Variants in THAP9 observed in about 807,000 individuals in gnomAD.
THAP9 encodes THAP domain containing 9.
Under a neutral mutation model 35.7 loss-of-function variants are expected in THAP9, and 20 were observed. That is an observed-to-expected ratio of 0.56 (90% confidence interval 0.39 to 0.81). The LOEUF (loss-of-function observed/expected upper bound fraction) is 0.81. Among genes scored for constraint, THAP9 ranks in the 40% least tolerant of loss-of-function variants. The pLI, the probability that THAP9 is intolerant of heterozygous loss-of-function variation, is 0.00. For missense variants in THAP9, 870 were observed against 1,047.4 expected (o/e 0.83, Z 2.34); for synonymous variants, 335 against 373.7 (o/e 0.90, Z 1.19).
At chr4:82,901,016 G>C in intron 1 of THAP9, 134 bp downstream of exon 1, 1 of 1,096,324 alleles carries the variant, frequency 9.1e-7, no homozygotes, top group Middle Eastern at 2.1e-4. Context: ...GCGCAGCGTC[G>C]GGGCGTGGGA....
chr4:82,907,770 A>T lies in THAP9; in HGVS notation c.581-15A>T. On this transcript the variant is annotated splice_polypyrimidine_tract_variant and intron_variant, in intron 3 of 4. Transcript: ENST00000302236. ...TACTATTCATCACAAAGAATAAAAA[A>T]ATTTATTTTAACAGATTTTAAGTGG... The T allele has an allele frequency of 6.4e-7, 1 of 1,562,732 alleles. No homozygotes were observed. The highest frequency in any genetic ancestry group is 8.6e-7 in the Non-Finnish European group (1 of 1,159,564).
chr4:82,908,060 G>T (rs1720725776), intron 4 of THAP9, 125 bp downstream of exon 4: 2 of 1,039,798 alleles, frequency 1.9e-6, no homozygotes, highest in South Asian at 1.7e-5. Flanking sequence ...ACTTATTAAG[G>T]CTATTAGTAC....
intron 2 of THAP9, 101 bp from the exon 3 acceptor site, chr4:82,906,222 TC>T: frequency 1.0e-6 from 1 of 979,308 alleles, no homozygotes; most frequent in Non-Finnish European, 1.5e-6. Context: ...TAACTAACTC[TC>T]CACAGCAACC....
At chr4:82,905,032 CAA>C in intron 2 of THAP9, 101 bp downstream of exon 2, 2 of 1,098,438 alleles carry the variant, frequency 1.8e-6, no homozygotes, top group Non-Finnish European at 2.6e-6. Flanking sequence ...CAAAAAAACC[CAA>C]GTCTTAAATC....
intron 4 of THAP9, among the ~76,000 whole-genome samples, chr4:82,915,345 C>T (rs1721002681): frequency 6.6e-6 from 1 of 152,154 alleles, no homozygotes; most frequent in African/African-American, 2.4e-5. Flanking sequence ...CAACCTCTGC[C>T]TCCCACGTTC....
rs1259655993 is a variant in THAP9 at position 82,919,959 on chromosome 4, C to T, written c.*1035C>T. ...TAAAAGTATATTGATTAAAATTCCC[C>T]TTACAAAGTATATTTTGATGTTTGT... On this transcript the variant is annotated 3_prime_UTR_variant, in exon 5 of 5. Coordinates refer to ENST00000302236, the MANE Select transcript of THAP9 (RefSeq NM_024672.6). 6.6e-6 allele frequency: 1 copy of T among 150,392 alleles called. No homozygotes were observed. Among genetic ancestry groups the T allele is most frequent in the Admixed American group, 6.6e-5 (1 of 15,238 alleles). 9.3% of individuals were successfully genotyped at this position (150,392 alleles called of 1,614,324 possible). A position where few individuals can be genotyped will look rare whatever the true frequency, so the allele number is the denominator to read the frequency against.
chr4:82,906,076 CT>C, intron 2 of THAP9: 1 of 430,044 alleles, frequency 2.3e-6, no homozygotes, highest in Non-Finnish European at 4.3e-6. Context: ...TTACTACCAC[CT>C]TTCTCTAGTT....
Position 82,917,899 on chromosome 4 carries a change from A to G in THAP9, c.1687A>G (p.Asn563Asp). The stretch of plus-strand genomic sequence containing the variant: ...TGTTACATTATCTGACACTAGCAAT[A>G]ATCAAATAATTAAAGGTAAGCAAAA... ...IFVTLSDTSN[N>D]QIIKGKQKLG... Residue 563 changes from asparagine to aspartate, a missense_variant, in exon 5 of 5, where the codon AAT becomes GAT. By Grantham distance (23) the Asn-to-Asp change is conservative. This residue lies in a region of THAP9 where 414 missense variants were observed against 500.8 expected (regional missense o/e 0.83). Transcript: ENST00000302236. 3 of 1,613,776 alleles carry G rather than the reference A, an allele frequency of 1.9e-6. No homozygotes were observed. The South Asian group carries it at 3.3e-5, about 18-fold the overall frequency.
At chr4:82,912,333 C>T (rs1470640627) in intron 4 of THAP9, among the ~76,000 whole-genome samples, 1 of 152,120 alleles carries the variant, frequency 6.6e-6, no homozygotes, top group Non-Finnish European at 1.5e-5. Context: ...ATATTCACTG[C>T]AGTTTAGTAA....
intron 1 of THAP9, among the ~76,000 whole-genome samples, chr4:82,904,491 A>G (rs1388470736): frequency 6.6e-6 from 1 of 152,242 alleles, no homozygotes; most frequent in Non-Finnish European, 1.5e-5. Flanking sequence ...AAGACAAAAT[A>G]TAGTAGGATT....
chr4:82,909,299 TGGGCTGCTCTTCTAATTGACCTTCAGA>T (rs1347560664), intron 4 of THAP9, among the ~76,000 whole-genome samples: 2 of 152,096 alleles, frequency 1.3e-5, no homozygotes, highest in Non-Finnish European at 2.9e-5. Context: ...ACCTTCAGAG[TGGGCTGCTCTTCTAATTGACCTTCAGA>T]GGGCTGCTCT....
chr4:82,913,705 TCTTC>T (rs1339830687), intron 4 of THAP9, among the ~76,000 whole-genome samples: 1 of 152,156 alleles, frequency 6.6e-6, no homozygotes, highest in East Asian at 1.9e-4. Context: ...TCTGTTGTTT[TCTTC>T]CTTGTGTATA....
intron 1 of THAP9, 117 bp downstream of exon 1, chr4:82,900,999 G>A (rs1214055169): frequency 1.6e-6 from 2 of 1,235,146 alleles, no homozygotes; most frequent in African/African-American, 1.5e-5. Context: ...GTGACGCGAC[G>A]TGACGTGCGC....
intron 1 of THAP9, among the ~76,000 whole-genome samples, chr4:82,901,709 GA>G (rs1181901972): frequency 2.9e-4 from 3 of 10,226 alleles, no homozygotes; most frequent in Admixed American, 1.4e-3. Context: ...AAAATTCATT[GA>G]TTTTTTTTTT....
chr4:82,901,091 A>G (rs1321981568), intron 1 of THAP9: 2 of 718,300 alleles, frequency 2.8e-6, no homozygotes, highest in African/African-American at 1.7e-5. Context: ...ACCTCTGAAT[A>G]GCCGGTTCTC....
intron 3 of THAP9, among the ~76,000 whole-genome samples, 168 bp downstream of exon 3, chr4:82,906,795 T>TA (rs1473910549): frequency 6.6e-6 from 1 of 152,166 alleles, no homozygotes; most frequent in African/African-American, 2.4e-5. Flanking sequence ...TTTTGTATCT[T>TA]ATGGTTTTCC....
intron 4 of THAP9, among the ~76,000 whole-genome samples, chr4:82,911,610 T>TCTCA (rs1454404407): frequency 6.6e-6 from 1 of 151,980 alleles, no homozygotes; most frequent in Non-Finnish European, 1.5e-5. Context: ...AAAGATGGGG[T>TCTCA]CTCACTGTGT....
At chr4:82,916,521 T>G (rs746136763) in intron 4 of THAP9, among the ~76,000 whole-genome samples, 14 of 152,196 alleles carry the variant, frequency 9.2e-5, no homozygotes, top group Admixed American at 2.0e-4. Context: ...GCTTAACCTC[T>G]CCCTCTGTCC....
chr4:82,904,916 T>A lies in THAP9; in HGVS notation c.261T>A (p.Ser87=), dbSNP rs750409276. 1 of 1,613,954 alleles carries A rather than the reference T, an allele frequency of 6.2e-7. No individual in the cohort carries two copies. Among genetic ancestry groups the A allele is most frequent in the African/African-American group, 1.3e-5 (1 of 74,914 alleles). ...AGCTGAAAAAAGGAGCTGTGCCTTC[T>A]GTTTCTCTATACAAGGTATTTAAAT... The part of the protein sequence containing the change: ...RRKLKKGAVP[S]VSLYKIPQGV... Residue 87 remains serine (S), a synonymous_variant, in exon 2 of 5, where the codon TCT becomes TCA. Coordinates refer to ENST00000302236, the MANE Select transcript of THAP9 (RefSeq NM_024672.6).
Sources: gnomAD v4.1 joint callset for allele counts (sites outside exome capture counted in the v4.1 genomes callset) on GRCh38, gnomAD v4.1.1 for gene constraint, gnomAD v4.1.1 regional missense constraint, MANE v1.5 for transcripts, NCBI Gene and HGNC (gene_info 2026-07-23, HGNC 2026-07-21) for gene names.